Variants in ZNF804B observed in about 807,000 individuals in gnomAD.
ZNF804B encodes the protein zinc finger 804B.
In ZNF804B, 80 loss-of-function variants were observed where a neutral mutation model predicts 101.4. That is an observed-to-expected ratio of 0.79 (90% confidence interval 0.66 to 0.95). ZNF804B has a LOEUF of 0.95. Ranked by LOEUF, ZNF804B falls within the 40% of genes least tolerant of loss-of-function variation. ZNF804B has a pLI of 0.00. For synonymous variants in ZNF804B, 622 were observed against 558.8 expected, an observed-to-expected ratio of 1.11 and a Z score of -1.59; for missense variants, 1,673 against 1,561.9, an observed-to-expected ratio of 1.07 and a Z score of -1.20.
At position 88,764,813 on chromosome 7, in the gene ZNF804B, C is replaced by T. The variant is rs533381921; in HGVS notation, c.108+4729C>T. 4.6e-5 allele frequency among the ~76,000 whole-genome samples: 7 copies of T among 152,144 alleles called. No homozygotes were observed. The South Asian group carries it at 1.0e-3, about 23-fold the overall frequency. On this transcript the variant is annotated intron_variant, in intron 1 of 3. Transcript: ENST00000333190. ...GCAAAATATAATTATGAAGACATGC[C>T]CTCCTGTAGAGAAGTCACCTGCATC...
chr7:89,186,117 C>T (rs1402723484), intron 1 of ZNF804B, among the ~76,000 whole-genome samples: 4 of 151,788 alleles, frequency 2.6e-5, no homozygotes, highest in African/African-American at 9.7e-5. Context: ...AGAATATGTA[C>T]ATATTATCAA....
At chr7:89,050,544 T>G (rs930105663) in intron 1 of ZNF804B, among the ~76,000 whole-genome samples, 1 of 152,172 alleles carries the variant, frequency 6.6e-6, no homozygotes, top group Non-Finnish European at 1.5e-5. Flanking sequence ...TTTTGTTAAT[T>G]CACCTGTCCA....
At chr7:88,874,176 G>C (rs1410489338) in intron 1 of ZNF804B, among the ~76,000 whole-genome samples, 1 of 151,976 alleles carries the variant, frequency 6.6e-6, no homozygotes, top group Non-Finnish European at 1.5e-5. Context: ...TCCTTAAAGA[G>C]GTCCTTCACA....
chr7:88,809,403 C>T (rs1790747538), intron 1 of ZNF804B, among the ~76,000 whole-genome samples: 1 of 151,958 alleles, frequency 6.6e-6, no homozygotes, highest in South Asian at 2.1e-4. Flanking sequence ...ACCAACCTAC[C>T]TACCTATCTA....
At chr7:89,015,718 T>G (rs1303121546) in intron 1 of ZNF804B, among the ~76,000 whole-genome samples, 1 of 152,212 alleles carries the variant, frequency 6.6e-6, no homozygotes, top group Non-Finnish European at 1.5e-5. Context: ...TGTCACATTT[T>G]CTTAATCCAG....
At chr7:89,129,304 T>C (rs1226506833) in intron 1 of ZNF804B, among the ~76,000 whole-genome samples, 2 of 152,072 alleles carry the variant, frequency 1.3e-5, no homozygotes, top group African/African-American at 2.4e-5. Context: ...TAGATGAGAA[T>C]AATATATCAT....
At chr7:88,913,288 G>A (rs1792576435) in intron 1 of ZNF804B, among the ~76,000 whole-genome samples, 1 of 152,200 alleles carries the variant, frequency 6.6e-6, no homozygotes, top group Non-Finnish European at 1.5e-5. Flanking sequence ...ATCAGATGTA[G>A]TGTATTTAGG....
intron 1 of ZNF804B, among the ~76,000 whole-genome samples, chr7:89,158,355 T>G (rs1027594620): frequency 6.6e-6 from 1 of 152,132 alleles, no homozygotes; most frequent in African/African-American, 2.4e-5. Flanking sequence ...CTCAGAGTGC[T>G]CTTTAGTCCT....
intron 1 of ZNF804B, among the ~76,000 whole-genome samples, chr7:89,024,932 C>T (rs78214895): frequency 0.098 from 14,856 of 151,896 alleles, 787 homozygotes; most frequent in Non-Finnish European, 0.11. Flanking sequence ...ACATTTTTGT[C>T]CAGGAGGGAA....
intron 1 of ZNF804B, among the ~76,000 whole-genome samples, chr7:88,800,596 T>C (rs998169172): frequency 1.3e-5 from 2 of 151,966 alleles, no homozygotes; most frequent in African/African-American, 4.8e-5. Flanking sequence ...AGTGCTAAGA[T>C]ATAAACAATG....
rs942526998 is a variant in ZNF804B, at chr7:89,103,060, T to G, written c.109-115095T>G. On this transcript the variant is annotated intron_variant, in intron 1 of 3. Transcript: ENST00000333190. Reference sequence around the variant, plus strand: ...GACCTATGTGTCTGTTTTTTTTTTTTTTTTTTTTTTTTTTTTTTTTTTTAC... The same window carrying G: ...GACCTATGTGTCTGTTTTTTTTTTTGTTTTTTTTTTTTTTTTTTTTTTTAC... Among the ~76,000 whole-genome samples, 76 of 125,732 alleles carry G rather than the reference T, an allele frequency of 6.0e-4. 1 individual carries two copies. Among genetic ancestry groups the G allele is most frequent in the Admixed American group, 8.6e-4 (11 of 12,794 alleles). 82.5% of individuals were successfully genotyped at this position (125,732 alleles called of 152,430 possible).
chr7:89,071,154 A>C (rs181935115), intron 1 of ZNF804B, among the ~76,000 whole-genome samples: 1 of 152,036 alleles, frequency 6.6e-6, no homozygotes, highest in Admixed American at 6.6e-5. Flanking sequence ...ACAAGAAAAA[A>C]CTATGTACAT....
intron 2 of ZNF804B, among the ~76,000 whole-genome samples, chr7:89,286,774 A>C (rs1790205200): frequency 6.6e-6 from 1 of 152,230 alleles, no homozygotes; most frequent in Admixed American, 6.5e-5. Flanking sequence ...GGGCCCTTCT[A>C]TCATATGAGC....
intron 1 of ZNF804B, among the ~76,000 whole-genome samples, chr7:89,089,678 T>C (rs1789854080): frequency 6.6e-6 from 1 of 152,138 alleles, no homozygotes; most frequent in East Asian, 1.9e-4. Flanking sequence ...TATTGAAATA[T>C]AATTAAAATG....
At chr7:89,080,017 A>G (rs935734118) in intron 1 of ZNF804B, among the ~76,000 whole-genome samples, 6 of 151,904 alleles carry the variant, frequency 3.9e-5, no homozygotes, top group Admixed American at 6.6e-5. Context: ...GATAACTTAC[A>G]TTTTTATTTT....
At chr7:88,777,630 G>A (rs1586898651) in intron 1 of ZNF804B, among the ~76,000 whole-genome samples, 1 of 152,024 alleles carries the variant, frequency 6.6e-6, no homozygotes, top group African/African-American at 2.4e-5. Flanking sequence ...ATCACTTAAG[G>A]TCAGGAATTC....
rs188149536 is a variant in ZNF804B at position 88,945,202 on chromosome 7, T to C, written c.108+185118T>C. 1.3e-4 allele frequency among the ~76,000 whole-genome samples: 20 copies of C among 152,238 alleles called. No homozygotes were observed. The East Asian group carries it at 3.7e-3, about 28-fold the overall frequency. On this transcript the variant is annotated intron_variant, in intron 1 of 3. Coordinates refer to ENST00000333190, the MANE Select transcript of ZNF804B (RefSeq NM_181646.5). Reference sequence around the variant, plus strand: ...GAATGGTATTGCCTAGGTTTCCTTCTAGGGTTTTTATGGCTTTAGGTATTA... The same window carrying C: ...GAATGGTATTGCCTAGGTTTCCTTCCAGGGTTTTTATGGCTTTAGGTATTA...
At chr7:88,903,161 C>A (rs1792417926) in intron 1 of ZNF804B, among the ~76,000 whole-genome samples, 2 of 151,512 alleles carry the variant, frequency 1.3e-5, no homozygotes, top group South Asian at 4.2e-4. Flanking sequence ...CACATGTGCT[C>A]AATGTTGCTC....
intron 1 of ZNF804B, among the ~76,000 whole-genome samples, chr7:89,055,758 C>T (rs1789282004): frequency 6.6e-6 from 1 of 151,962 alleles, no homozygotes; most frequent in Admixed American, 6.6e-5. Context: ...CCCCTTATTG[C>T]TCTGGAGGTT....
Sources: allele counts gnomAD v4.1 joint callset (sites outside exome capture counted in the v4.1 genomes callset), GRCh38; gene constraint gnomAD v4.1.1; transcripts MANE v1.5; gene names NCBI Gene and HGNC (gene_info 2026-07-23, HGNC 2026-07-21).